The following TMEM44 variants were observed in gnomAD, a reference collection of about 807,000 sequenced individuals.
The protein encoded by TMEM44 is transmembrane protein 44.
TMEM44 carries 43 observed loss-of-function variants against 47.8 expected under a neutral mutation model. The observed-to-expected ratio is 0.90, with a 90% CI of 0.70 to 1.16. The LOEUF (loss-of-function observed/expected upper bound fraction) is 1.16. Among genes scored for constraint, TMEM44 ranks in the 50% most tolerant of loss-of-function variants. TMEM44 has a pLI of 0.00. For missense variants in TMEM44, 568 were observed against 555.2 expected, an observed-to-expected ratio of 1.02 and a Z score of -0.23; for synonymous variants, 277 against 238.8, an observed-to-expected ratio of 1.16 and a Z score of -1.48.
intron 5 of TMEM44, among the ~76,000 whole-genome samples, chr3:194,620,915 T>C (rs1716459698): frequency 6.6e-6 from 1 of 151,540 alleles, no homozygotes; most frequent in Admixed American, 6.6e-5. Flanking sequence ...TAATCCCAGC[T>C]ACTTGGGAGG....
In TMEM44 at chr3:194,628,386, G is replaced by T; in HGVS notation, c.261C>A (p.Ile87=). ...GTCAGCTGGAGGCCCAACATACCTG[G>T]ATTGTGAGCTGTCTGGCCAGAAGAG... ...VGALLARQLT[I]QVFTGAYLAA... The change falls in exon 2 of 10, where the codon ATC becomes ATA. Residue 87 remains isoleucine, a synonymous_variant. Coordinates refer to ENST00000347147, the MANE Select transcript of TMEM44 (RefSeq NM_001011655.3). 6.2e-7 allele frequency: 1 copy of T among 1,610,688 alleles called. No individual in the cohort carries two copies.
intron 7 of TMEM44, among the ~76,000 whole-genome samples, chr3:194,615,025 T>A (rs1715724939): frequency 6.6e-6 from 1 of 151,928 alleles, no homozygotes; most frequent in African/African-American, 2.4e-5. Context: ...TCACCTGAGG[T>A]CAGGAGTTCG....
At chr3:194,631,842 C>A (rs576570888) in intron 1 of TMEM44, among the ~76,000 whole-genome samples, 1 of 152,150 alleles carries the variant, frequency 6.6e-6, no homozygotes, top group East Asian at 1.9e-4. Flanking sequence ...ATGGCAAGGC[C>A]CTGAAAACAA....
rs752064020 is a variant in TMEM44, at chr3:194,625,929, G to A, written c.326C>T (p.Pro109Leu). ...DLVNFMFILF[P>L]VCGSKFKSNS... ...AGACTTGAATTTGGATCCACAGACT[G>A]GGAAGAGAATGAACATAAAGTTCAC... The change falls in exon 3 of 10, where the codon CCA (proline) becomes CTA (leucine). Residue 109 changes from proline (P) to leucine (L), a missense_variant. By Grantham distance (98) the Pro-to-Leu change is moderately conservative. Coordinates refer to ENST00000347147, the MANE Select transcript of TMEM44 (RefSeq NM_001011655.3). The A allele has an allele frequency of 6.2e-7, 1 of 1,613,732 alleles. No homozygotes were observed. The highest frequency in any genetic ancestry group is 8.5e-7 in the Non-Finnish European group (1 of 1,179,724).
At chr3:194,593,721 G>A (rs949051999) in intron 9 of TMEM44, among the ~76,000 whole-genome samples, 2 of 152,104 alleles carry the variant, frequency 1.3e-5, no homozygotes, top group African/African-American at 4.8e-5. Flanking sequence ...TTAAATAGCA[G>A]GCAGTCCGAG....
Position 194,633,307 on chromosome 3 carries a change from T to C in TMEM44, c.-92A>G, listed in dbSNP as rs1439777640. On this transcript the variant is annotated 5_prime_UTR_variant, in exon 1 of 10. Transcript: ENST00000347147. ...CCGAGCGCCGCCGCCCCGCGTGCCC[T>C]TCTCTGGGTTCCGTTCCGCCGCGGC... is the stretch of plus-strand genomic sequence containing the variant. 5.9e-6 allele frequency: 3 copies of C among 512,482 alleles called. No individual in the cohort carries two copies. The highest frequency in any genetic ancestry group is 6.2e-5 in the Admixed American group (1 of 16,160). 31.7% of individuals were successfully genotyped at this position (512,482 alleles called of 1,614,324 possible).
Position 194,604,434 on chromosome 3 carries a change from A to G in TMEM44, c.1029T>C (p.Ser343=). The G allele has an allele frequency of 5.3e-6, 8 of 1,517,734 alleles. No homozygotes were observed. The highest frequency in any genetic ancestry group is 7.1e-6 in the Non-Finnish European group (8 of 1,125,704). The allele number at this position is 1,517,734 out of a possible 1,614,324, so 94.0% of individuals were successfully genotyped here. ...TIEPVQQAGC[S]ATRLPGDGQT... is the part of the protein sequence containing the mutation. ...GCCCGTCACCTGGCAGCCTGGTGGC[A>G]CTGCAGCCTGCCTGCAAGGTGTGTG... The change falls in exon 9 of 10, where the codon AGT becomes AGC. Residue 343 remains serine, a synonymous_variant. Coordinates refer to ENST00000347147, the MANE Select transcript of TMEM44 (RefSeq NM_001011655.3).
chr3:194,591,896 C>T (rs1205044191), intron 9 of TMEM44, among the ~76,000 whole-genome samples: 2 of 151,992 alleles, frequency 1.3e-5, no homozygotes, highest in South Asian at 2.1e-4. Flanking sequence ...TGTGAGCCAA[C>T]GTGCCCGGCC....
chr3:194,617,192 C>G lies in TMEM44; in HGVS notation c.690G>C (p.Ser230=). 1 of 1,553,366 alleles carries G rather than the reference C, an allele frequency of 6.4e-7. No homozygotes were observed. The highest frequency in any genetic ancestry group is 8.7e-7 in the Non-Finnish European group (1 of 1,148,716). ...LSALAGLLYA[S]AIVAHDQHPE... is the part of the protein sequence containing the mutation. ...GGTGCTGGTCGTGGGCCACAATGGC[C>G]GAGGCATAGAGGAGGCCAGCCAGGG... The change falls in exon 6 of 10, where the codon TCG becomes TCC. Residue 230 remains serine, a synonymous_variant. Coordinates refer to ENST00000347147, the MANE Select transcript of TMEM44 (RefSeq NM_001011655.3).
At chr3:194,603,667 G>A (rs1222554396) in intron 9 of TMEM44, among the ~76,000 whole-genome samples, 1 of 151,598 alleles carries the variant, frequency 6.6e-6, no homozygotes, top group Non-Finnish European at 1.5e-5. Context: ...CAAAGTGCTG[G>A]GATTACAGGC....
Position 194,633,107 on chromosome 3 carries a change from A to C in TMEM44, c.109T>G (p.Ser37Ala), listed in dbSNP as rs1302310250. The change falls in exon 1 of 10, where the codon TCC becomes GCC. Residue 37 changes from serine (S) to alanine (A), a missense_variant. Coordinates refer to ENST00000347147, the MANE Select transcript of TMEM44 (RefSeq NM_001011655.3). Reference sequence around the variant, plus strand: ...GCGTGGGCGGCGATCCAGCAGGAGGAGGCGCAGATCCACAGGCCGAAGGAG... The same window carrying C: ...GCGTGGGCGGCGATCCAGCAGGAGGCGGCGCAGATCCACAGGCCGAAGGAG... ...CISFGLWICASSCWIAAHALL... is the reference protein window; with the variant it reads ...CISFGLWICAASCWIAAHALL... 20 of 1,549,968 alleles carry C rather than the reference A, an allele frequency of 1.3e-5. No homozygotes were observed. The highest frequency in any genetic ancestry group is 5.9e-5 in the Admixed American group (3 of 51,230).
chr3:194,622,328 G>C (rs1716634060), intron 5 of TMEM44, among the ~76,000 whole-genome samples: 1 of 152,194 alleles, frequency 6.6e-6, no homozygotes, highest in South Asian at 2.1e-4. Context: ...CTCATTTGAA[G>C]AGCGTAGGAG....
Position 194,623,312 on chromosome 3 carries a change from T to C in TMEM44, c.526-2A>G. 6.2e-7 allele frequency: 1 copy of C among 1,602,852 alleles called. No homozygotes were observed. The highest frequency in any genetic ancestry group is 1.1e-5 in the South Asian group (1 of 89,052). On this transcript the variant is annotated splice_acceptor_variant, in intron 4 of 9. Transcript: ENST00000347147. LOFTEE classifies it high-confidence loss of function. ...GTAGCCGAGGATCTCAGTATTTTCC[T>C]GCAAGAACGAACAGGTGATCCACCA... is the stretch of plus-strand genomic sequence containing the variant.
intron 5 of TMEM44, among the ~76,000 whole-genome samples, chr3:194,619,566 G>A (rs920427501): frequency 1.3e-5 from 2 of 152,168 alleles, no homozygotes; most frequent in African/African-American, 4.8e-5. Context: ...TCCCATTCGA[G>A]GACTCACTCC....
At chr3:194,609,491 C>T (rs763366869) in intron 8 of TMEM44, among the ~76,000 whole-genome samples, 3 of 152,074 alleles carry the variant, frequency 2.0e-5, no homozygotes, top group Non-Finnish European at 4.4e-5. Flanking sequence ...TGGCCGAGTG[C>T]GTGGACTCTC....
At chr3:194,623,500 G>C (rs774919654) in intron 4 of TMEM44, 29 bp downstream of exon 4, 11 of 1,559,522 alleles carry the variant, frequency 7.1e-6, no homozygotes, top group Non-Finnish European at 9.5e-6. Context: ...GCAGTACCCC[G>C]AGTCCTCCCC....
chr3:194,602,466 G>A (rs140240196), intron 9 of TMEM44, among the ~76,000 whole-genome samples: 3,076 of 152,276 alleles, frequency 0.02, 94 homozygotes, highest in African/African-American at 0.07. Context: ...GCCGGGCGTG[G>A]TGGTGGGCAC....
chr3:194,600,441 T>C (rs902259347), intron 9 of TMEM44, among the ~76,000 whole-genome samples: 3 of 145,694 alleles, frequency 2.1e-5, no homozygotes, highest in African/African-American at 7.4e-5. Flanking sequence ...CCCAGAAACA[T>C]TTATTACTTT....
intron 7 of TMEM44, among the ~76,000 whole-genome samples, chr3:194,612,067 A>T (rs1403213281): frequency 1.3e-5 from 2 of 151,946 alleles, no homozygotes; most frequent in African/African-American, 4.8e-5. Flanking sequence ...TAAAATACAG[A>T]TTGCTGGACC....
Sources: gnomAD v4.1 joint callset for allele counts (sites outside exome capture counted in the v4.1 genomes callset) on GRCh38, gnomAD v4.1.1 for gene constraint, MANE v1.5 for transcripts, NCBI Gene and HGNC (gene_info 2026-07-23, HGNC 2026-07-21) for gene names.